Variants in LIPC observed in about 807,000 individuals in gnomAD.
LIPC encodes the protein hepatic triacylglycerol lipase.
In LIPC, 44 loss-of-function variants were observed where a neutral mutation model predicts 50.7. The observed-to-expected ratio is 0.87, with a 90% confidence interval of 0.68 to 1.11. The LOEUF is 1.11. LIPC is among the 50% of genes most tolerant of loss of function. The pLI, the probability that LIPC is intolerant of heterozygous loss-of-function variation, is 0.00. For synonymous variants in LIPC, 271 were observed against 256.4 expected (o/e 1.06, Z -0.54); for missense variants, 697 against 648.2 (o/e 1.08, Z -0.82).
Position 58,542,730 on chromosome 15 carries a change from C to T in LIPC, c.574+79C>T, listed in dbSNP as rs2414589. 6,935 of 937,938 alleles carry T rather than the reference C, an allele frequency of 7.4e-3. 328 individuals carry two copies. The African/African-American group carries it at 0.097, about 13-fold the overall frequency. 58.1% of individuals were successfully genotyped at this position (937,938 alleles called of 1,614,324 possible). ...CAAGGACCTGCTTTTCCAACAGGCT[C>T]ATCATTAAAACACCCCAACACTTAT... On this transcript the variant is annotated intron_variant, in intron 4 of 8. Coordinates refer to ENST00000299022, the MANE Select transcript of LIPC (RefSeq NM_000236.3).
At chr15:58,442,918 G>A in intron 1 of LIPC, among the ~76,000 whole-genome samples, 1 of 152,218 alleles carries the variant, frequency 6.6e-6, no homozygotes, top group South Asian at 2.1e-4. Flanking sequence ...TGGTTTGGGG[G>A]GTTGTTTTTG....
chr15:58,566,962 C>A (rs551125707), intron 8 of LIPC, among the ~76,000 whole-genome samples: 1 of 151,934 alleles, frequency 6.6e-6, no homozygotes, highest in East Asian at 1.9e-4. Context: ...CAACAACTAA[C>A]GTTTAGTGAG....
intron 1 of LIPC, among the ~76,000 whole-genome samples, chr15:58,514,938 A>C (rs1034379113): frequency 1.3e-5 from 2 of 152,242 alleles, no homozygotes; most frequent in African/African-American, 4.8e-5. Flanking sequence ...TGGAGTCAAA[A>C]GTCCTAAAAT....
intron 1 of LIPC, among the ~76,000 whole-genome samples, chr15:58,440,941 G>C (rs796088732): frequency 1.3e-5 from 2 of 151,774 alleles, no homozygotes; most frequent in Non-Finnish European, 1.5e-5. Flanking sequence ...CCAGAGGGAA[G>C]GACAGGAAGG....
At chr15:58,565,547 A>G in intron 8 of LIPC, 1 of 1,245,534 alleles carries the variant, frequency 8.0e-7, no homozygotes, top group Non-Finnish European at 1.0e-6. Context: ...TGATCCTGAA[A>G]TGGGTAGTAT....
chr15:58,456,398 G>A (rs1163067556), intron 1 of LIPC: 1 of 152,240 alleles, frequency 6.6e-6, no homozygotes, highest in Non-Finnish European at 1.5e-5. Flanking sequence ...GTACCTTCCT[G>A]TTGTTCTGAA....
At chr15:58,508,504 C>T (rs779452154) in intron 1 of LIPC, among the ~76,000 whole-genome samples, 45 of 152,166 alleles carry the variant, frequency 3.0e-4, no homozygotes, top group Admixed American at 9.2e-4. Flanking sequence ...TGATAAAATA[C>T]GAAACGCCTT....
chr15:58,514,540 C>T (rs1892428507), intron 1 of LIPC, among the ~76,000 whole-genome samples: 1 of 152,146 alleles, frequency 6.6e-6, no homozygotes, highest in Admixed American at 6.5e-5. Flanking sequence ...AAAGTTAATG[C>T]AGGCCAGGTG....
intron 1 of LIPC, among the ~76,000 whole-genome samples, chr15:58,510,138 C>T (rs957868607): frequency 6.6e-6 from 1 of 152,140 alleles, no homozygotes; most frequent in Non-Finnish European, 1.5e-5. Flanking sequence ...AGGTACTGGG[C>T]ATAGGGTGGA....
intron 4 of LIPC, 141 bp downstream of exon 4, chr15:58,542,792 T>C: frequency 1.5e-6 from 1 of 663,888 alleles, no homozygotes; most frequent in Non-Finnish European, 2.8e-6. Flanking sequence ...ACTTGTGACA[T>C]TCTTTCAAAC....
chr15:58,472,772 C>G (rs1337306069), intron 1 of LIPC, among the ~76,000 whole-genome samples: 1 of 152,104 alleles, frequency 6.6e-6, no homozygotes, highest in African/African-American at 2.4e-5. Context: ...AAGCATTGTA[C>G]TCACCCACTG....
At chr15:58,452,653 T>A (rs1419196156) in intron 1 of LIPC, among the ~76,000 whole-genome samples, 3 of 151,956 alleles carry the variant, frequency 2.0e-5, no homozygotes, top group Admixed American at 2.0e-4. Context: ...GAAGATGGAA[T>A]CTGCAGTGGG....
chr15:58,491,161 C>T (rs1442803089), intron 1 of LIPC, among the ~76,000 whole-genome samples: 1 of 152,182 alleles, frequency 6.6e-6, no homozygotes, highest in Non-Finnish European at 1.5e-5. Context: ...CGTGCACACA[C>T]GCCCGCCCCA....
intron 1 of LIPC, among the ~76,000 whole-genome samples, chr15:58,488,767 C>T (rs1019346782): frequency 6.6e-6 from 1 of 152,128 alleles, no homozygotes; most frequent in Non-Finnish European, 1.5e-5. Flanking sequence ...CCTTTCTTCC[C>T]CTTGGTATTT....
intron 1 of LIPC, among the ~76,000 whole-genome samples, chr15:58,524,180 C>A (rs1254023676): frequency 6.6e-6 from 1 of 152,172 alleles, no homozygotes; most frequent in African/African-American, 2.4e-5. Context: ...TGCCCCCACC[C>A]TTCCACAAAA....
At chr15:58,449,340 C>T (rs1464170144) in intron 1 of LIPC, among the ~76,000 whole-genome samples, 12 of 152,308 alleles carry the variant, frequency 7.9e-5, no homozygotes, top group Admixed American at 6.5e-4. Flanking sequence ...AGGTGCATCT[C>T]TCTCCTTCTC....
intron 7 of LIPC, 26 bp from the exon 8 acceptor site, chr15:58,563,479 T>C (rs1341770058): frequency 6.4e-7 from 1 of 1,569,330 alleles, no homozygotes; most frequent in Non-Finnish European, 8.8e-7. Flanking sequence ...AAACTGATTG[T>C]GTCTGATTTT....
At chr15:58,540,186 G>A (rs1893273482) in intron 2 of LIPC, among the ~76,000 whole-genome samples, 1 of 152,148 alleles carries the variant, frequency 6.6e-6, no homozygotes, top group African/African-American at 2.4e-5. Flanking sequence ...TGCAACATGA[G>A]GACCACAGGA....
chr15:58,515,238 A>G (rs747254059), intron 1 of LIPC, among the ~76,000 whole-genome samples: 2 of 152,182 alleles, frequency 1.3e-5, no homozygotes, highest in Non-Finnish European at 2.9e-5. Flanking sequence ...TTTTCCATAT[A>G]AGGTAACATA....
Sources: allele counts gnomAD v4.1 joint callset (sites outside exome capture counted in the v4.1 genomes callset), GRCh38; gene constraint gnomAD v4.1.1; transcripts MANE v1.5; gene names NCBI Gene and HGNC (gene_info 2026-07-23, HGNC 2026-07-21).